The following CADM2 variants were observed in gnomAD, a reference collection of about 807,000 sequenced individuals.
CADM2 encodes cell adhesion molecule 2, also known as immunoglobulin superfamily member 4D.
CADM2 carries 12 observed loss-of-function variants against 49.8 expected under a neutral mutation model. That is an observed-to-expected ratio of 0.24 (90% CI 0.15 to 0.39). The LOEUF is 0.39. CADM2 is among the 10% of genes least tolerant of loss of function. CADM2 has a pLI of 1.00. For missense variants in CADM2, 378 were observed against 492.3 expected (o/e 0.77, Z 2.20); for synonymous variants, 214 against 175.4 (o/e 1.22, Z -1.74).
At chr3:85,470,866 GA>G (rs2038735846) in intron 1 of CADM2, among the ~76,000 whole-genome samples, 1 of 152,068 alleles carries the variant, frequency 6.6e-6, no homozygotes, top group African/African-American at 2.4e-5. Flanking sequence ...TCCACCCTTA[GA>G]AAAAGTTTAG....
rs369854275 is a variant in CADM2 at position 85,065,295 on chromosome 3, T to C, written c.61+105627T>C. ...ATATTTTCTTAAAAAACAATTATTTTCTATTATGAATCAGACTTTAATTTT... is the reference window on the plus strand; with the variant it reads ...ATATTTTCTTAAAAAACAATTATTTCCTATTATGAATCAGACTTTAATTTT... On this transcript the variant is annotated intron_variant, in intron 1 of 9. Transcript: ENST00000383699. 3.9e-5 allele frequency among the ~76,000 whole-genome samples: 6 copies of C among 152,242 alleles called. No homozygotes were observed. In the East Asian group the frequency reaches 1.2e-3, roughly 29 times the overall value.
intron 1 of CADM2, among the ~76,000 whole-genome samples, chr3:85,332,997 T>C (rs1168908682): frequency 6.6e-6 from 1 of 151,898 alleles, no homozygotes; most frequent in East Asian, 1.9e-4. Flanking sequence ...TTGCTTCGTG[T>C]ACAATAAGTT....
rs2107460001 is a variant in CADM2 at position 86,070,496 on chromosome 3, T to G, written c.*3713T>G. ...ACAAATATTAAATTTTACATTATGCTTTTTAATTGTGGAGAAAATGCAAAA... is the reference window on the plus strand; with the variant it reads ...ACAAATATTAAATTTTACATTATGCGTTTTAATTGTGGAGAAAATGCAAAA... On this transcript the variant is annotated 3_prime_UTR_variant, in exon 10 of 10. Coordinates refer to ENST00000383699, the MANE Select transcript of CADM2 (RefSeq NM_001167675.2). 1 of 152,086 alleles carries G rather than the reference T, an allele frequency of 6.6e-6. No homozygotes were observed. The highest frequency in any genetic ancestry group is 1.9e-4 in the East Asian group (1 of 5,186). The allele number at this position is 152,086 out of a possible 1,614,324, so 9.4% of individuals were successfully genotyped here.
chr3:84,992,332 A>T (rs1340565189), intron 1 of CADM2, among the ~76,000 whole-genome samples: 5 of 152,186 alleles, frequency 3.3e-5, no homozygotes, highest in African/African-American at 1.2e-4. Context: ...CCTTTGGAAA[A>T]TGCTATTTAA....
intron 1 of CADM2, among the ~76,000 whole-genome samples, chr3:85,167,285 C>T (rs1182295910): frequency 2.0e-5 from 3 of 151,928 alleles, no homozygotes; most frequent in South Asian, 2.1e-4. Context: ...ATATGCTCAG[C>T]TCTTAATTCC....
At chr3:86,065,571 A>G in intron 8 of CADM2, 34 bp from the exon 9 acceptor site, 1 of 1,594,042 alleles carries the variant, frequency 6.3e-7, no homozygotes, top group African/African-American at 1.3e-5. Flanking sequence ...TAAATAACAC[A>G]TTAAATAGAA....
intron 8 of CADM2, among the ~76,000 whole-genome samples, chr3:86,054,816 T>C (rs1244198080): frequency 6.6e-6 from 1 of 152,176 alleles, no homozygotes; most frequent in Non-Finnish European, 1.5e-5. Context: ...TAAACATACC[T>C]TAATTTATCT....
chr3:85,370,224 T>TAATAAG (rs950709627), intron 1 of CADM2, among the ~76,000 whole-genome samples: 1 of 144,038 alleles, frequency 6.9e-6, no homozygotes, highest in Non-Finnish European at 1.5e-5. Flanking sequence ...AAAATAATAA[T>TAATAAG]AATAATAATA....
Position 85,075,187 on chromosome 3 carries a change from A to AT in CADM2, c.61+115520dup, listed in dbSNP as rs2036897644. On this transcript the variant is annotated intron_variant, in intron 1 of 9. Transcript: ENST00000383699. Reference sequence around the variant, plus strand: ...GACATGTGCCTCTCAAAACATTAAAATGTACCTAATTTAGTGATCAGGCCT... The same window carrying AT: ...GACATGTGCCTCTCAAAACATTAAAATTGTACCTAATTTAGTGATCAGGCCT... Among the ~76,000 whole-genome samples, 3 of 152,192 alleles carry AT rather than the reference A, an allele frequency of 2.0e-5. No individual in the cohort carries two copies. The South Asian group carries it at 6.2e-4, about 32-fold the overall frequency.
At chr3:85,148,474 C>A (rs1333646114) in intron 1 of CADM2, among the ~76,000 whole-genome samples, 3 of 152,136 alleles carry the variant, frequency 2.0e-5, no homozygotes, top group Non-Finnish European at 4.4e-5. Flanking sequence ...GGACACAAAT[C>A]TCTAATAATT....
At chr3:85,113,892 G>C (rs139479014) in intron 1 of CADM2, among the ~76,000 whole-genome samples, 2 of 152,000 alleles carry the variant, frequency 1.3e-5, no homozygotes, top group Admixed American at 1.3e-4. Flanking sequence ...TTCAATAGCT[G>C]TAAGTAAGCA....
intron 1 of CADM2, among the ~76,000 whole-genome samples, chr3:85,181,497 T>A (rs974324708): frequency 6.6e-6 from 1 of 152,108 alleles, no homozygotes; most frequent in African/African-American, 2.4e-5. Flanking sequence ...AAGCCTAGTT[T>A]AGTCTGAAGA....
intron 3 of CADM2, among the ~76,000 whole-genome samples, chr3:85,831,649 A>G (rs1577424932): frequency 6.6e-6 from 1 of 151,762 alleles, no homozygotes; most frequent in East Asian, 1.9e-4. Flanking sequence ...GTGTCTGTCT[A>G]TATTCTTTGC....
At chr3:85,377,872 C>T (rs919364928) in intron 1 of CADM2, among the ~76,000 whole-genome samples, 18 of 151,950 alleles carry the variant, frequency 1.2e-4, no homozygotes, top group African/African-American at 4.3e-4. Flanking sequence ...GAATTACCAT[C>T]AGAAAATCAA....
rs1463212896 is a variant in CADM2, at chr3:85,185,057, G to A, written c.61+225389G>A. The stretch of plus-strand genomic sequence containing the variant: ...AAGAGAAATGTAACCCTAGCTCCAA[G>A]ATAGATGACAGATAGGGTATTATTT... On this transcript the variant is annotated intron_variant, in intron 1 of 9. Coordinates refer to ENST00000383699, the MANE Select transcript of CADM2 (RefSeq NM_001167675.2). Among the ~76,000 whole-genome samples the A allele has an allele frequency of 2.0e-5, 3 of 152,038 alleles. No individual in the cohort carries two copies. In the East Asian group the frequency reaches 5.8e-4, roughly 29 times the overall value.
At chr3:85,702,230 T>G (rs1040931557) in intron 1 of CADM2, among the ~76,000 whole-genome samples, 2 of 152,098 alleles carry the variant, frequency 1.3e-5, no homozygotes, top group African/African-American at 2.4e-5. Flanking sequence ...TCAAAGACCC[T>G]TACCCCAAAT....
intron 8 of CADM2, chr3:86,028,047 G>A (rs1185484403): frequency 1.8e-5 from 2 of 109,396 alleles, no homozygotes; most frequent in Non-Finnish European, 3.4e-5. Context: ...ACCGGGGCCT[G>A]TTGTGGGGTG....
intron 8 of CADM2, among the ~76,000 whole-genome samples, chr3:86,007,215 G>A (rs73134184): frequency 0.011 from 1,602 of 142,522 alleles, 23 homozygotes; most frequent in Middle Eastern, 0.074. Flanking sequence ...CCAGATTTCA[G>A]CAATTTAATC....
At chr3:85,554,744 G>T (rs2061906696) in intron 1 of CADM2, among the ~76,000 whole-genome samples, 1 of 151,986 alleles carries the variant, frequency 6.6e-6, no homozygotes, top group Non-Finnish European at 1.5e-5. Flanking sequence ...TGCCTAGGCT[G>T]GATTGCAGTA....
Sources: allele counts gnomAD v4.1 joint callset (sites outside exome capture counted in the v4.1 genomes callset), GRCh38; gene constraint gnomAD v4.1.1; transcripts MANE v1.5; gene names NCBI Gene and HGNC (gene_info 2026-07-23, HGNC 2026-07-21).